Variants in INO80 observed in about 807,000 individuals in gnomAD.
The protein encoded by INO80 is INO80 complex ATPase subunit, also known as chromatin-remodeling ATPase INO80.
In INO80, 20 loss-of-function variants were observed where a neutral mutation model predicts 203.4. That is an observed-to-expected ratio of 0.10 (90% CI 0.07 to 0.14). The LOEUF is 0.14. Ranked by LOEUF, INO80 falls within the 10% of genes least tolerant of loss-of-function variation. The pLI is 1.00. For synonymous variants in INO80, 726 were observed against 685.2 expected (o/e 1.06, Z -0.93); for missense variants, 1,419 against 1,914.4 (o/e 0.74, Z 4.83).
At position 41,016,265 on chromosome 15, in the gene INO80, C is replaced by T. The variant is rs776600660; in HGVS notation, c.3275-50G>A. The T allele has an allele frequency of 4.4e-6, 7 of 1,573,176 alleles. No individual in the cohort carries two copies. The East Asian group carries it at 1.6e-4, about 36-fold the overall frequency. ...GGGGAACTGTATTTAATTGAAGCGA[C>T]AAAATCACTCAATGCAAAGCTGTAT... On this transcript the variant is annotated intron_variant, in intron 26 of 35. Coordinates refer to ENST00000648947, the MANE Select transcript of INO80 (RefSeq NM_017553.3).
intron 10 of INO80, 88 bp from the exon 11 acceptor site, chr15:41,073,583 T>C: frequency 9.8e-7 from 1 of 1,022,254 alleles, no homozygotes; most frequent in Non-Finnish European, 1.6e-6. Flanking sequence ...GGATCCCTGA[T>C]TCCCTCATTC....
At chr15:41,060,078 C>T in intron 14 of INO80, 152 bp from the exon 15 acceptor site, 3 of 595,624 alleles carry the variant, frequency 5.0e-6, no homozygotes, top group South Asian at 4.7e-5. Context: ...GTTTAACCAA[C>T]CCTGTTGTCC....
Position 41,020,963 on chromosome 15 carries a change from C to G in INO80, c.3211G>C (p.Glu1071Gln), listed in dbSNP as rs759598359. Residue 1071 changes from glutamate to glutamine, a missense_variant, in exon 26 of 36, where the codon GAG becomes CAG. By Grantham distance (29) the Glu-to-Gln change is conservative. Around this residue, in one of 9 missense-constraint regions of INO80, gnomAD observed 302 missense variants for 345.4 expected, o/e 0.87. Coordinates refer to ENST00000648947, the MANE Select transcript of INO80 (RefSeq NM_017553.3). ...ATGCTCCACAGACCTCCAGCTGGCT[C>G]TGGGAAGAACTGTGATCGTCTATTT... ...WLNRRSQFFP[E>Q]PAGGLWSIRP... 22 of 1,614,158 alleles carry G rather than the reference C, an allele frequency of 1.4e-5. No homozygotes were observed. In the Admixed American group the frequency reaches 3.5e-4, roughly 26 times the overall value.
At chr15:40,998,352 G>T (rs74014734) in intron 28 of INO80, among the ~76,000 whole-genome samples, 6,515 of 152,030 alleles carry the variant, frequency 0.043, 332 homozygotes, top group African/African-American at 0.12. Flanking sequence ...GAAGAAAGTT[G>T]AGTCCCAGAA....
At chr15:41,035,159 G>C (rs2044549360) in intron 24 of INO80, among the ~76,000 whole-genome samples, 1 of 152,194 alleles carries the variant, frequency 6.6e-6, no homozygotes, top group African/African-American at 2.4e-5. Flanking sequence ...TAGTACTACA[G>C]TCAGAACCAT....
chr15:40,980,534 G>A (rs1173800991), intron 35 of INO80, 94 bp from the exon 36 acceptor site: 3 of 896,156 alleles, frequency 3.3e-6, no homozygotes, highest in African/African-American at 1.7e-5. Context: ...TGAGCTGGAG[G>A]AGAAGTGGTG....
chr15:41,076,504 G>A (rs1232031464), intron 9 of INO80, among the ~76,000 whole-genome samples: 1 of 150,276 alleles, frequency 6.7e-6, no homozygotes, highest in Non-Finnish European at 1.5e-5. Flanking sequence ...TAAATTAAAA[G>A]TGCCTTTCAG....
At position 40,980,184 on chromosome 15, in the gene INO80, G is replaced by A. The variant is rs1893765557; in HGVS notation, c.*39C>T. 3 of 1,543,642 alleles carry A rather than the reference G, an allele frequency of 1.9e-6. No homozygotes were observed. The highest frequency in any genetic ancestry group is 2.7e-6 in the Non-Finnish European group (3 of 1,117,814). On this transcript the variant is annotated 3_prime_UTR_variant, in exon 36 of 36. Transcript: ENST00000648947. ...AGACCACTGGCAGGTCAGGACTCTA[G>A]CCCTGGTTTGGTTGAAGGAAGTCGG...
intron 29 of INO80, among the ~76,000 whole-genome samples, chr15:40,988,536 A>C (rs2140415447): frequency 6.6e-6 from 1 of 152,240 alleles, no homozygotes; most frequent in East Asian, 1.9e-4. Context: ...CGGTGAGCTG[A>C]GATTGTACCA....
Position 41,053,983 on chromosome 15 carries a change from C to G in INO80, c.2220G>C (p.Lys740Asn). 7 of 1,613,836 alleles carry G rather than the reference C, an allele frequency of 4.3e-6. No homozygotes were observed. Among genetic ancestry groups the G allele is most frequent in the Non-Finnish European group, 5.9e-6 (7 of 1,179,864 alleles). Residue 740 changes from lysine to asparagine, a missense_variant, in exon 19 of 36, where the codon AAG (lysine) becomes AAC (asparagine). Lys to Asn is a moderately conservative substitution (Grantham distance 94). Coordinates refer to ENST00000648947, the MANE Select transcript of INO80 (RefSeq NM_017553.3). ...NQLSRLHMIL[K>N]PFMLRRIKKD... ...TCTTGATTCTCCTCAGCATAAATGG[C>G]TTCAAAATCATGTGTAAGCGAGAAA...
At chr15:41,053,534 G>A (rs79912630) in intron 19 of INO80, among the ~76,000 whole-genome samples, 4,979 of 152,246 alleles carry the variant, frequency 0.033, 215 homozygotes, top group African/African-American at 0.095. Context: ...CATGTGGTTA[G>A]GCAGTGTTTA....
intron 1 of INO80, among the ~76,000 whole-genome samples, chr15:41,100,290 G>T (rs1387942200): frequency 2.0e-5 from 3 of 152,032 alleles, no homozygotes; most frequent in Non-Finnish European, 4.4e-5. Context: ...TAGCCAGGAT[G>T]GTCTCGATCT....
At chr15:41,104,948 C>A (rs1002029650) in intron 1 of INO80, among the ~76,000 whole-genome samples, 1 of 152,160 alleles carries the variant, frequency 6.6e-6, no homozygotes, top group African/African-American at 2.4e-5. Context: ...AGTGGATACA[C>A]TTAACCAGTG....
chr15:41,101,072 C>T (rs1227916620), intron 1 of INO80, among the ~76,000 whole-genome samples: 1 of 152,052 alleles, frequency 6.6e-6, no homozygotes, highest in Non-Finnish European at 1.5e-5. Flanking sequence ...TCAAGTGATC[C>T]ACCCACCTCA....
chr15:41,111,276 T>C (rs1398381683), intron 1 of INO80, among the ~76,000 whole-genome samples: 1 of 152,082 alleles, frequency 6.6e-6, no homozygotes, highest in Non-Finnish European at 1.5e-5. Flanking sequence ...TGAAACCCCA[T>C]CTCTACTAAA....
rs892892034 is a variant in INO80 at position 41,071,833 on chromosome 15, C to T, written c.1605+16G>A. On this transcript the variant is annotated intron_variant, in intron 12 of 35. Coordinates refer to ENST00000648947, the MANE Select transcript of INO80 (RefSeq NM_017553.3). ...AAAGAGATAATAGAAGAGAATGACA[C>T]GGTTCTAAAATTCACCTGTTCATAT... is the stretch of plus-strand genomic sequence containing the variant. 7 of 1,577,446 alleles carry T rather than the reference C, an allele frequency of 4.4e-6. No individual in the cohort carries two copies. The highest frequency in any genetic ancestry group is 4.5e-5 in the East Asian group (2 of 44,606).
intron 21 of INO80, among the ~76,000 whole-genome samples, chr15:41,048,889 T>C (rs1391598280): frequency 6.6e-6 from 1 of 152,242 alleles, no homozygotes; most frequent in Non-Finnish European, 1.5e-5. Flanking sequence ...TTACTAAATT[T>C]ATCGTTGCTG....
chr15:41,017,354 G>C (rs1391239878), intron 26 of INO80: 3 of 152,176 alleles, frequency 2.0e-5, no homozygotes, highest in Non-Finnish European at 4.4e-5. Flanking sequence ...GAAGAGTTTA[G>C]GTTTAAGGGG....
At chr15:41,088,041 T>C (rs1371714645) in intron 5 of INO80, among the ~76,000 whole-genome samples, 3 of 151,794 alleles carry the variant, frequency 2.0e-5, no homozygotes, top group Non-Finnish European at 4.4e-5. Context: ...ATACTTCTAT[T>C]ACCAACAGTT....
Sources: allele counts gnomAD v4.1 joint callset (sites outside exome capture counted in the v4.1 genomes callset), GRCh38; gene constraint gnomAD v4.1.1; regional missense constraint gnomAD v4.1.1; transcripts MANE v1.5; gene names NCBI Gene and HGNC (gene_info 2026-07-23, HGNC 2026-07-21).